DISP1: variants seen among roughly 807,000 people sequenced by gnomAD.
DISP1 encodes protein dispatched homolog 1.
DISP1 carries 30 observed loss-of-function variants against 37.3 expected under a neutral mutation model. That is an observed-to-expected ratio of 0.80 (90% CI 0.60 to 1.09). The LOEUF (loss-of-function observed/expected upper bound fraction) is 1.09. Ranked by LOEUF, DISP1 falls within the 50% of genes least tolerant of loss-of-function variation. DISP1 has a pLI of 0.00. For synonymous variants in DISP1, 634 were observed against 690.2 expected, an observed-to-expected ratio of 0.92 and a Z score of 1.28; for missense variants, 1,598 against 1,879.5, an observed-to-expected ratio of 0.85 and a Z score of 2.77.
chr1:222,960,757 G>A (rs1404233051), intron 3 of DISP1, among the ~76,000 whole-genome samples: 1 of 151,110 alleles, frequency 6.6e-6, no homozygotes, highest in Admixed American at 6.6e-5. Flanking sequence ...GAATCAAATC[G>A]ACACAATAAA....
intron 1 of DISP1, among the ~76,000 whole-genome samples, chr1:222,830,522 A>T (rs1011730220): frequency 6.6e-6 from 1 of 152,038 alleles, no homozygotes; most frequent in South Asian, 2.1e-4. Flanking sequence ...CTGGGACTAT[A>T]GGCGCGTGTC....
intron 1 of DISP1, among the ~76,000 whole-genome samples, chr1:222,829,546 A>G (rs1401872945): frequency 4.0e-5 from 6 of 151,218 alleles, no homozygotes; most frequent in Admixed American, 3.3e-4. Flanking sequence ...CCCAGGTTCT[A>G]GCGATTCTTC....
Position 222,951,539 on chromosome 1 carries a change from T to C in DISP1, c.509+8207T>C, listed in dbSNP as rs142351559. On this transcript the variant is annotated intron_variant, in intron 3 of 8. Coordinates refer to ENST00000675850, the MANE Select transcript of DISP1 (RefSeq NM_001377229.1). ...CAGAAAATTTGAGCCAGAAATCACTTTGAACACTTCATCAACATTGTGGCA... is the reference window on the plus strand; with the variant it reads ...CAGAAAATTTGAGCCAGAAATCACTCTGAACACTTCATCAACATTGTGGCA... Among the ~76,000 whole-genome samples, 22 of 76,094 alleles carry C rather than the reference T, an allele frequency of 2.9e-4. No homozygotes were observed. In the East Asian group the frequency reaches 9.6e-3, roughly 33 times the overall value. 49.9% of individuals were successfully genotyped at this position (76,094 alleles called of 152,430 possible). A position where few individuals can be genotyped will look rare whatever the true frequency, so the allele number is the denominator to read the frequency against.
chr1:222,982,397 A>C (rs1677896413), intron 3 of DISP1, among the ~76,000 whole-genome samples: 1 of 152,250 alleles, frequency 6.6e-6, no homozygotes, highest in Admixed American at 6.5e-5. Flanking sequence ...AATGCTTTCC[A>C]GTAAATAGGA....
intron 1 of DISP1, among the ~76,000 whole-genome samples, chr1:222,839,336 C>G (rs779059163): frequency 6.6e-6 from 1 of 152,134 alleles, no homozygotes; most frequent in African/African-American, 2.4e-5. Context: ...AGTTTCCTAC[C>G]GAAACCATCA....
At chr1:222,921,931 T>C (rs1384320240) in intron 1 of DISP1, among the ~76,000 whole-genome samples, 2 of 152,202 alleles carry the variant, frequency 1.3e-5, no homozygotes, top group Non-Finnish European at 2.9e-5. Flanking sequence ...ATGAGGGATC[T>C]CAGGTCATGT....
At chr1:222,969,494 T>C (rs1676773036) in intron 3 of DISP1, among the ~76,000 whole-genome samples, 1 of 151,976 alleles carries the variant, frequency 6.6e-6, no homozygotes, top group Admixed American at 6.6e-5. Context: ...TTGGGGATGT[T>C]TCCTAGCTTT....
intron 3 of DISP1, among the ~76,000 whole-genome samples, chr1:222,944,875 A>G (rs938992129): frequency 6.6e-5 from 10 of 152,220 alleles, no homozygotes; most frequent in African/African-American, 2.4e-4. Context: ...ACTTCTGATT[A>G]AAGAGTCAGG....
intron 3 of DISP1, among the ~76,000 whole-genome samples, chr1:222,963,690 T>C (rs574768003): frequency 6.6e-6 from 1 of 151,832 alleles, no homozygotes; most frequent in East Asian, 2.0e-4. Flanking sequence ...TCACATGTTC[T>C]CACTCATAAA....
intron 1 of DISP1, among the ~76,000 whole-genome samples, chr1:222,891,530 A>C (rs1350337556): frequency 6.6e-6 from 1 of 152,154 alleles, no homozygotes; most frequent in Non-Finnish European, 1.5e-5. Flanking sequence ...CTAGAACCTT[A>C]AAAAACATCC....
chr1:222,916,317 C>A (rs562415936), intron 1 of DISP1, among the ~76,000 whole-genome samples: 1 of 152,074 alleles, frequency 6.6e-6, no homozygotes, highest in African/African-American at 2.4e-5. Flanking sequence ...CTTCACAATA[C>A]GAACTGGAGC....
intron 1 of DISP1, among the ~76,000 whole-genome samples, chr1:222,842,654 C>G (rs1319544568): frequency 6.6e-6 from 1 of 152,036 alleles, no homozygotes; most frequent in Non-Finnish European, 1.5e-5. Context: ...TACTGCCCCT[C>G]CCAACATACA....
intron 1 of DISP1, among the ~76,000 whole-genome samples, chr1:222,896,939 A>G (rs1671296845): frequency 6.6e-6 from 1 of 152,238 alleles, no homozygotes; most frequent in Non-Finnish European, 1.5e-5. Flanking sequence ...GAAATGGCAA[A>G]ACCACTTGGA....
intron 1 of DISP1, among the ~76,000 whole-genome samples, chr1:222,842,485 T>C (rs1316572236): frequency 1.3e-5 from 2 of 152,072 alleles, no homozygotes; most frequent in African/African-American, 4.8e-5. Context: ...CTTTTATAAA[T>C]ATAGTGTCTG....
At position 222,943,078 on chromosome 1, in the gene DISP1, C is replaced by T. The variant is rs1674502423; in HGVS notation, c.255C>T (p.Cys85=). 1.2e-6 allele frequency: 2 copies of T among 1,614,084 alleles called. No homozygotes were observed. The highest frequency in any genetic ancestry group is 1.7e-6 in the Non-Finnish European group (2 of 1,180,030). ...PQMLPQCCHP[C]PYHHPLTSHS... is the part of the protein sequence containing the mutation. ...TGTTACCCCAATGCTGCCATCCTTG[C>T]CCATACCATCACCCTTTGACTAGCC... is the stretch of plus-strand genomic sequence containing the variant. Residue 85 remains cysteine, a synonymous_variant, in exon 3 of 9, where the codon TGC becomes TGT. Coordinates refer to ENST00000675850, the MANE Select transcript of DISP1 (RefSeq NM_001377229.1).
intron 3 of DISP1, among the ~76,000 whole-genome samples, chr1:222,982,788 A>G (rs1203400169): frequency 6.6e-6 from 1 of 152,076 alleles, no homozygotes; most frequent in African/African-American, 2.4e-5. Context: ...GATCTCAGAG[A>G]AGAATGTTGT....
At chr1:222,885,683 C>T (rs769364736) in intron 1 of DISP1, among the ~76,000 whole-genome samples, 7 of 151,964 alleles carry the variant, frequency 4.6e-5, no homozygotes, top group Non-Finnish European at 8.8e-5. Flanking sequence ...CTATGTTGCC[C>T]GGGCTCCTGG....
chr1:222,942,481 A>G (rs1674457752), intron 2 of DISP1, among the ~76,000 whole-genome samples: 1 of 152,002 alleles, frequency 6.6e-6, no homozygotes, highest in African/African-American at 2.4e-5. Flanking sequence ...CTCTCCTCTC[A>G]TGCAAAATGG....
rs940392983 is a variant in DISP1, at chr1:222,815,056, G to C, written c.-181G>C. On this transcript the variant is annotated 5_prime_UTR_variant, in exon 1 of 9. Transcript: ENST00000675850. Reference sequence around the variant, plus strand: ...CAGGCGGAAGCCCGGCTCCGGGCCAGCATCCGAGAGCCCGGACTGGAGGTG... The same window carrying C: ...CAGGCGGAAGCCCGGCTCCGGGCCACCATCCGAGAGCCCGGACTGGAGGTG... 1 of 152,264 alleles carries C rather than the reference G, an allele frequency of 6.6e-6. No homozygotes were observed. The highest frequency in any genetic ancestry group is 1.5e-5 in the Non-Finnish European group (1 of 68,086). The allele number at this position is 152,264 out of a possible 1,614,324, so 9.4% of individuals were successfully genotyped here.
Sources: gnomAD v4.1 joint callset for allele counts (sites outside exome capture counted in the v4.1 genomes callset) on GRCh38, gnomAD v4.1.1 for gene constraint, MANE v1.5 for transcripts, NCBI Gene and HGNC (gene_info 2026-07-23, HGNC 2026-07-21) for gene names.